Variants in MSRA observed in about 807,000 individuals in gnomAD.
MSRA encodes the protein mitochondrial peptide methionine sulfoxide reductase.
Under a neutral mutation model 31.3 loss-of-function variants are expected in MSRA, and 54 were observed. The observed-to-expected ratio is 1.73, with a 90% confidence interval of 1.39 to 2.17. The LOEUF (loss-of-function observed/expected upper bound fraction) is 2.17. Among genes scored for constraint, MSRA ranks in the 30% most tolerant of loss-of-function variants. The pLI, the probability that MSRA is intolerant of heterozygous loss-of-function variation, is 0.00. For missense variants in MSRA, 507 were observed against 300.9 expected (o/e 1.69, Z -5.07); for synonymous variants, 169 against 116.5 (o/e 1.45, Z -2.90).
At chr8:10,319,653 A>G (rs936809690) in intron 4 of MSRA, among the ~76,000 whole-genome samples, 1 of 151,682 alleles carries the variant, frequency 6.6e-6, no homozygotes, top group African/African-American at 2.4e-5. Flanking sequence ...TGATAAATCT[A>G]CCTGAGTTCA....
intron 5 of MSRA, chr8:10,411,563 T>C (rs1225568844): frequency 1.3e-5 from 2 of 152,208 alleles, no homozygotes; most frequent in Non-Finnish European, 2.9e-5. Context: ...GTTAGACATA[T>C]TGCAGCCCAA....
At chr8:10,160,793 G>T (rs1209200228) in intron 1 of MSRA, among the ~76,000 whole-genome samples, 1 of 152,152 alleles carries the variant, frequency 6.6e-6, no homozygotes, top group Admixed American at 6.5e-5. Flanking sequence ...CTCCCAAAGT[G>T]CTGGGATTAC....
intron 3 of MSRA, among the ~76,000 whole-genome samples, chr8:10,257,113 G>C (rs1379308687): frequency 1.3e-5 from 2 of 152,150 alleles, no homozygotes; most frequent in Admixed American, 1.3e-4. Flanking sequence ...GGCAGGGTTA[G>C]TGCTCGTAGA....
intron 3 of MSRA, among the ~76,000 whole-genome samples, chr8:10,291,182 A>G (rs1384137622): frequency 1.3e-5 from 2 of 152,180 alleles, no homozygotes; most frequent in Non-Finnish European, 2.9e-5. Context: ...TTCTTGATCC[A>G]GTACTGAGCT....
chr8:10,175,390 T>A (rs150127089), intron 1 of MSRA, among the ~76,000 whole-genome samples: 214 of 152,366 alleles, frequency 1.4e-3, no homozygotes, highest in African/African-American at 4.9e-3. Context: ...CATACGCTGT[T>A]ATCAAGTCAC....
chr8:10,399,469 T>C (rs1299531596), intron 5 of MSRA, among the ~76,000 whole-genome samples: 2 of 152,110 alleles, frequency 1.3e-5, no homozygotes, highest in African/African-American at 4.8e-5. Flanking sequence ...CACGTGAGGG[T>C]GTGGTGCCTC....
chr8:10,419,446 G>A lies in MSRA; in HGVS notation c.544-8702G>A, dbSNP rs535607599. On this transcript the variant is annotated intron_variant, in intron 5 of 5. Transcript: ENST00000317173. ...AAGTAAGGTCTGTGAATTTAAGTAAGGTCCCTAACTGCTTTGGGTTTCCTA... is the reference window on the plus strand; with the variant it reads ...AAGTAAGGTCTGTGAATTTAAGTAAAGTCCCTAACTGCTTTGGGTTTCCTA... 9.9e-5 allele frequency among the ~76,000 whole-genome samples: 15 copies of A among 152,276 alleles called. No individual in the cohort carries two copies. The East Asian group carries it at 2.7e-3, about 28-fold the overall frequency.
chr8:10,223,765 G>T (rs983231451), intron 2 of MSRA, among the ~76,000 whole-genome samples: 5 of 152,144 alleles, frequency 3.3e-5, no homozygotes, highest in Admixed American at 2.0e-4. Flanking sequence ...AATCTAGATG[G>T]TTAAAGGCAG....
chr8:10,075,691 C>T (rs1192230315), intron 1 of MSRA, among the ~76,000 whole-genome samples: 2 of 152,182 alleles, frequency 1.3e-5, no homozygotes, highest in Admixed American at 6.5e-5. Flanking sequence ...GATGATTTTA[C>T]GATATAACAA....
At chr8:10,320,115 T>A in intron 5 of MSRA, 126 bp downstream of exon 5, 1 of 616,154 alleles carries the variant, frequency 1.6e-6, no homozygotes, top group East Asian at 3.0e-5. Context: ...TCTTAGAAAT[T>A]TCTGTCAGCC....
At position 10,411,757 on chromosome 8, in the gene MSRA, G is replaced by A. The variant is rs371313452; in HGVS notation, c.544-16391G>A. Among the ~76,000 whole-genome samples, 87 of 152,338 alleles carry A rather than the reference G, an allele frequency of 5.7e-4. No homozygotes were observed. In the Middle Eastern group the frequency reaches 0.017, roughly 30 times the overall value. The stretch of plus-strand genomic sequence containing the variant: ...CTAAGTCTCATTTTTTAAACATGGC[G>A]TAAGAGGATTTTAAGAAATTACAAT... On this transcript the variant is annotated intron_variant, in intron 5 of 5. Coordinates refer to ENST00000317173, the MANE Select transcript of MSRA (RefSeq NM_012331.5).
chr8:10,105,583 C>T (rs1799826372), intron 1 of MSRA, among the ~76,000 whole-genome samples: 1 of 152,102 alleles, frequency 6.6e-6, no homozygotes, highest in South Asian at 2.1e-4. Context: ...TGCAATGTTA[C>T]CAAATAGGAG....
At chr8:10,078,493 G>A (rs1253124305) in intron 1 of MSRA, among the ~76,000 whole-genome samples, 3 of 152,358 alleles carry the variant, frequency 2.0e-5, no homozygotes, top group South Asian at 2.1e-4. Flanking sequence ...TCAGGCACCA[G>A]TGACCCCTGG....
chr8:10,330,006 ATGTGTGTGTGTGTGTGTGTG>A (rs72198519), intron 5 of MSRA, among the ~76,000 whole-genome samples: 1 of 135,378 alleles, frequency 7.4e-6, no homozygotes, highest in Non-Finnish European at 1.6e-5. Flanking sequence ...AGAGAAAAAA[ATGTGTGTGTGTGTGTGTGTG>A]TGTGTGTGTG....
At chr8:10,062,990 G>A (rs1797284932) in intron 1 of MSRA, among the ~76,000 whole-genome samples, 1 of 152,192 alleles carries the variant, frequency 6.6e-6, no homozygotes, top group East Asian at 1.9e-4. Flanking sequence ...CTTCTCTCAC[G>A]CTTCCAACCA....
chr8:10,134,217 C>T (rs1174838570), intron 1 of MSRA, among the ~76,000 whole-genome samples: 1 of 152,216 alleles, frequency 6.6e-6, no homozygotes, highest in Non-Finnish European at 1.5e-5. Context: ...TCACTCTCTG[C>T]ACCTTTCTAT....
chr8:10,097,541 A>G (rs1275861094), intron 1 of MSRA, among the ~76,000 whole-genome samples: 1 of 152,212 alleles, frequency 6.6e-6, no homozygotes, highest in African/African-American at 2.4e-5. Flanking sequence ...TCATTTTAAT[A>G]CTGACCGTCT....
chr8:10,185,469 G>A (rs1806955458), intron 1 of MSRA, among the ~76,000 whole-genome samples: 1 of 151,866 alleles, frequency 6.6e-6, no homozygotes, highest in South Asian at 2.1e-4. Context: ...CTACCTCAGA[G>A]TTAATGCCCT....
At chr8:10,246,775 C>A (rs1461739153) in intron 3 of MSRA, among the ~76,000 whole-genome samples, 1 of 152,014 alleles carries the variant, frequency 6.6e-6, no homozygotes, top group Non-Finnish European at 1.5e-5. Context: ...TATTCTGATT[C>A]GTATGGAGAA....
Sources: gnomAD v4.1 joint callset for allele counts (sites outside exome capture counted in the v4.1 genomes callset) on GRCh38, gnomAD v4.1.1 for gene constraint, MANE v1.5 for transcripts, NCBI Gene and HGNC (gene_info 2026-07-23, HGNC 2026-07-21) for gene names.